EFCAB6: variants seen among roughly 807,000 people sequenced by gnomAD.
EFCAB6 encodes the protein EF-hand calcium binding domain 6, also known as EF-hand calcium-binding domain-containing protein 6.
In EFCAB6, 156 loss-of-function variants were observed where a neutral mutation model predicts 169.8. The observed-to-expected ratio is 0.92, with a 90% CI of 0.81 to 1.05. The LOEUF (loss-of-function observed/expected upper bound fraction) is 1.05, where lower values mean the gene tolerates loss of function less well. Among genes scored for constraint, EFCAB6 ranks in the 50% least tolerant of loss-of-function variants. The probability of loss-of-function intolerance (pLI) is 0.00; values close to 1 mark genes in which losing one functional copy is unlikely to be tolerated. For synonymous variants in EFCAB6, 698 were observed against 676.4 expected (o/e 1.03, Z -0.50); for missense variants, 1,800 against 1,829.1 (o/e 0.98, Z 0.29).
Position 43,777,948 on chromosome 22 carries a change from T to C in EFCAB6, c.139+4232A>G, listed in dbSNP as rs2061692633. Among the ~76,000 whole-genome samples, 5 of 152,146 alleles carry C rather than the reference T, an allele frequency of 3.3e-5. No homozygotes were observed. In the South Asian group the frequency reaches 8.3e-4, roughly 25 times the overall value. Reference sequence around the variant, plus strand: ...GGGCAATTTGACAAAATTTTCTATATCCGCTTAGGATATAGAAAGTCACAA... The same window carrying C: ...GGGCAATTTGACAAAATTTTCTATACCCGCTTAGGATATAGAAAGTCACAA... On this transcript the variant is annotated intron_variant, in intron 3 of 31. Transcript: ENST00000262726.
chr22:43,537,250 T>G lies in EFCAB6; in HGVS notation c.4048+127A>C, dbSNP rs1372092538. On this transcript the variant is annotated intron_variant, in intron 29 of 31. Coordinates refer to ENST00000262726, the MANE Select transcript of EFCAB6 (RefSeq NM_022785.4). The surrounding 1 kb of genome is among the most constrained non-coding windows in gnomAD (Gnocchi z 4.3). ...GTAAGCTGCACAGCCCACCCAGAAG[T>G]TCCCACCAGTTTCCTGTTCTGCTGC... The G allele has an allele frequency of 3.3e-6, 4 of 1,212,368 alleles. No individual in the cohort carries two copies. Among genetic ancestry groups the G allele is most frequent in the Non-Finnish European group, 3.5e-6 (3 of 862,760 alleles). The allele number at this position is 1,212,368 out of a possible 1,614,324, so 75.1% of individuals were successfully genotyped here.
intron 22 of EFCAB6, among the ~76,000 whole-genome samples, chr22:43,607,051 C>T (rs571101306): frequency 1.2e-4 from 18 of 152,258 alleles, no homozygotes; most frequent in Non-Finnish European, 2.1e-4. Flanking sequence ...CTTCCTAAAC[C>T]GCAGCTCTGT....
At chr22:43,800,352 C>T (rs2062663162) in intron 2 of EFCAB6, among the ~76,000 whole-genome samples, 1 of 152,132 alleles carries the variant, frequency 6.6e-6, no homozygotes, top group South Asian at 2.1e-4. Context: ...AGAAAATATA[C>T]CCAAAGAAAA....
chr22:43,693,725 T>A (rs924152981), intron 10 of EFCAB6, among the ~76,000 whole-genome samples: 61 of 151,830 alleles, frequency 4.0e-4, no homozygotes, highest in Non-Finnish European at 6.6e-4. Flanking sequence ...TTACAATAGT[T>A]CTTTAAATTT....
At chr22:43,683,553 A>G in intron 12 of EFCAB6, 194 bp downstream of exon 12, 1 of 566,170 alleles carries the variant, frequency 1.8e-6, no homozygotes, top group Non-Finnish European at 3.2e-6. Flanking sequence ...CGTCTTCCCA[A>G]CTAGACTCAA....
At chr22:43,774,395 C>G (rs2061572513) in intron 3 of EFCAB6, among the ~76,000 whole-genome samples, 1 of 151,408 alleles carries the variant, frequency 6.6e-6, no homozygotes, top group African/African-American at 2.4e-5. Context: ...AGATTGGCTG[C>G]AGACCCTAAC....
intron 22 of EFCAB6, among the ~76,000 whole-genome samples, chr22:43,601,948 C>T (rs78743998): frequency 0.1 from 15,488 of 152,300 alleles, 853 homozygotes; most frequent in Admixed American, 0.12. Context: ...ACACAGCATT[C>T]GCCCCATTCT....
chr22:43,626,993 C>A (rs977047450), intron 19 of EFCAB6, among the ~76,000 whole-genome samples: 1 of 152,170 alleles, frequency 6.6e-6, no homozygotes, highest in Admixed American at 6.5e-5. Context: ...ACTTCTAGTC[C>A]AGGAAGGAAG....
chr22:43,534,127 T>C (rs2047245779), intron 30 of EFCAB6, among the ~76,000 whole-genome samples: 1 of 152,136 alleles, frequency 6.6e-6, no homozygotes, highest in South Asian at 2.1e-4. Context: ...TCTTCTCAAA[T>C]TGTAATCACC....
chr22:43,734,688 T>C (rs557642812), intron 7 of EFCAB6, among the ~76,000 whole-genome samples: 1 of 152,190 alleles, frequency 6.6e-6, no homozygotes, highest in East Asian at 1.9e-4. Context: ...GATGTAAAAA[T>C]TAAAACATCT....
In EFCAB6 at chr22:43,667,317, C is replaced by A. The variant is rs770490766; in HGVS notation, c.1815-45G>T. The A allele has an allele frequency of 8.8e-6, 14 of 1,596,356 alleles. No homozygotes were observed. In the Admixed American group the frequency reaches 2.1e-4, roughly 23 times the overall value. ...TTTAGACCCAGTGTCAACTGACACA[C>A]GCAGGGTGCTTCCTCCAGACTGCAC... On this transcript the variant is annotated intron_variant, in intron 16 of 31. Transcript: ENST00000262726.
intron 2 of EFCAB6, among the ~76,000 whole-genome samples, chr22:43,796,593 G>A (rs2062517479): frequency 1.3e-5 from 2 of 151,832 alleles, no homozygotes; most frequent in Admixed American, 1.3e-4. Context: ...AACAAGTCGT[G>A]TCAGAAACAC....
intron 26 of EFCAB6, among the ~76,000 whole-genome samples, chr22:43,559,836 G>A (rs531521667): frequency 6.6e-6 from 1 of 152,182 alleles, no homozygotes; most frequent in African/African-American, 2.4e-5. Flanking sequence ...CACAGGGAGG[G>A]GAACATCACA....
chr22:43,757,459 A>G (rs909705913), intron 5 of EFCAB6, among the ~76,000 whole-genome samples: 12 of 152,200 alleles, frequency 7.9e-5, no homozygotes, highest in Admixed American at 6.5e-5. Context: ...AGGCAAGAGC[A>G]TCACTTGAAC....
rs146124039 is a variant in EFCAB6, at chr22:43,741,206, C to G, written c.508-5213G>C. On this transcript the variant is annotated intron_variant, in intron 6 of 31. Coordinates refer to ENST00000262726, the MANE Select transcript of EFCAB6 (RefSeq NM_022785.4). ...CTGTGCACACCCCACCCCCTCCTCT[C>G]CCAGCCACGGTCTCCGGGCTCTGGG... Among the ~76,000 whole-genome samples, 85 of 152,266 alleles carry G rather than the reference C, an allele frequency of 5.6e-4. 3 individuals are homozygous for G. The East Asian group carries it at 0.016, about 28-fold the overall frequency.
At chr22:43,719,970 T>G (rs1299187714) in intron 8 of EFCAB6, among the ~76,000 whole-genome samples, 1 of 152,174 alleles carries the variant, frequency 6.6e-6, no homozygotes, top group Non-Finnish European at 1.5e-5. Context: ...TATTAACGAA[T>G]AGCCACCATG....
chr22:43,535,513 G>T (rs1310689255), intron 29 of EFCAB6: 3 of 152,224 alleles, frequency 2.0e-5, no homozygotes, highest in Non-Finnish European at 4.4e-5. Context: ...GTTGCTGGTG[G>T]CCGAGAGGCT....
chr22:43,711,279 A>C (rs1178373238), intron 10 of EFCAB6, among the ~76,000 whole-genome samples, 196 bp downstream of exon 10: 3 of 152,194 alleles, frequency 2.0e-5, no homozygotes, highest in Non-Finnish European at 4.4e-5. Flanking sequence ...ATAATTGGCC[A>C]AGATTTGACC....
intron 30 of EFCAB6, 133 bp downstream of exon 30, chr22:43,534,555 T>G: frequency 1.2e-6 from 1 of 805,638 alleles, no homozygotes. Flanking sequence ...AAGCTGGGAG[T>G]TTGAGGCTGC....
Sources: gnomAD v4.1 joint callset for allele counts (sites outside exome capture counted in the v4.1 genomes callset) on GRCh38, gnomAD v4.1.1 for gene constraint, Gnocchi (gnomAD v3.1) non-coding constraint, MANE v1.5 for transcripts, NCBI Gene and HGNC (gene_info 2026-07-23, HGNC 2026-07-21) for gene names.